Variants in RERE observed in about 807,000 individuals in gnomAD.
The protein encoded by RERE is arginine-glutamic acid dipeptide repeats, also known as arginine-glutamic acid dipeptide repeats protein.
RERE carries 40 observed loss-of-function variants against 146.1 expected under a neutral mutation model. That is an observed-to-expected ratio of 0.27 (90% CI 0.21 to 0.36). The LOEUF (loss-of-function observed/expected upper bound fraction) is 0.36. Among genes scored for constraint, RERE ranks in the 10% least tolerant of loss-of-function variants. The probability of loss-of-function intolerance (pLI) is 1.00; values close to 1 mark genes in which losing one functional copy is unlikely to be tolerated. For missense variants in RERE, 1,933 were observed against 2,138.7 expected (o/e 0.90, Z 1.90); for synonymous variants, 1,003 against 866.0 (o/e 1.16, Z -2.78).
intron 12 of RERE, among the ~76,000 whole-genome samples, chr1:8,421,006 C>T (rs1416977976): frequency 1.3e-5 from 2 of 152,224 alleles, no homozygotes; most frequent in Non-Finnish European, 2.9e-5. Flanking sequence ...GCTTCCACTA[C>T]GGAGATAAAA....
chr1:8,691,055 G>A (rs538394507), intron 1 of RERE, among the ~76,000 whole-genome samples: 29 of 151,934 alleles, frequency 1.9e-4, no homozygotes, highest in Non-Finnish European at 3.8e-4. Context: ...GCACCACCAC[G>A]CCCAGCTAAT....
At chr1:8,574,367 C>T (rs1158804407) in intron 4 of RERE, among the ~76,000 whole-genome samples, 7 of 99,130 alleles carry the variant, frequency 7.1e-5, no homozygotes, top group East Asian at 7.0e-4. Context: ...TTTTTTGAGA[C>T]GCAGTCTCGC....
chr1:8,695,291 G>A (rs1639303450), intron 1 of RERE, among the ~76,000 whole-genome samples: 2 of 151,638 alleles, frequency 1.3e-5, no homozygotes, highest in East Asian at 3.9e-4. Context: ...TTAAATGCAA[G>A]ACCACAAACT....
At chr1:8,805,096 G>A (rs148293882) in intron 1 of RERE, among the ~76,000 whole-genome samples, 1,961 of 145,112 alleles carry the variant, frequency 0.014, 50 homozygotes, top group African/African-American at 0.048. Context: ...CCGCAACCTC[G>A]GCCTCCCAGG....
rs536028660 is a variant in RERE at position 8,648,300 on chromosome 1, C to T, written c.325+7673G>A. Among the ~76,000 whole-genome samples the T allele has an allele frequency of 7.2e-5, 11 of 152,296 alleles. No homozygotes were observed. The South Asian group carries it at 2.3e-3, about 32-fold the overall frequency. On this transcript the variant is annotated intron_variant, in intron 2 of 22. Coordinates refer to ENST00000400908, the MANE Select transcript of RERE (RefSeq NM_001042681.2). ...AGGCTGCAGTGCAGTGGTGCAATCA[C>T]TGCTCACTGCAGCCTCAACCTTCCA... is the stretch of plus-strand genomic sequence containing the variant.
At chr1:8,597,090 A>AT (rs34498274) in intron 4 of RERE, among the ~76,000 whole-genome samples, 84,068 of 144,272 alleles carry the variant, frequency 0.58, 24,603 homozygotes, top group East Asian at 0.82. Flanking sequence ...ACTGATGCTG[A>AT]TTTTTTTTTT....
At chr1:8,588,441 C>T (rs576736433) in intron 4 of RERE, among the ~76,000 whole-genome samples, 12 of 152,258 alleles carry the variant, frequency 7.9e-5, no homozygotes, top group South Asian at 2.1e-4. Context: ...GGGTCGTCGC[C>T]TCGTCCAGTC....
At chr1:8,585,024 C>G (rs1034547466) in intron 4 of RERE, among the ~76,000 whole-genome samples, 2 of 151,762 alleles carry the variant, frequency 1.3e-5, no homozygotes, top group African/African-American at 2.4e-5. Flanking sequence ...TGGCATATGC[C>G]TGTGGTCCCA....
At chr1:8,803,338 C>T (rs1362866896) in intron 1 of RERE, among the ~76,000 whole-genome samples, 7 of 152,052 alleles carry the variant, frequency 4.6e-5, no homozygotes, top group African/African-American at 1.4e-4. Context: ...CATGGTGGCA[C>T]ATGCCTGTAA....
chr1:8,625,993 A>T (rs1646969470), intron 2 of RERE, among the ~76,000 whole-genome samples: 2 of 152,224 alleles, frequency 1.3e-5, no homozygotes, highest in Admixed American at 1.3e-4. Context: ...CACGTAAAAC[A>T]GTAGCTCAGG....
Position 8,359,889 on chromosome 1 carries a change from C to T in RERE, c.3493G>A (p.Glu1165Lys). Residue 1165 changes from glutamate (E) to lysine (K), a missense_variant, in exon 19 of 23, where the codon GAG (glutamate) becomes AAG (lysine). Glu to Lys is a moderately conservative substitution (Grantham distance 56). Coordinates refer to ENST00000400908, the MANE Select transcript of RERE (RefSeq NM_001042681.2). ...AGSKLAKKRE[E>K]AIEKAKREAE... ...TCGCGCTTGGCCTTCTCAATGGCCT[C>T]CTCCCTCTTCTTGGCCAGCTTGGAC... 1.9e-6 allele frequency: 3 copies of T among 1,613,270 alleles called. No homozygotes were observed. The highest frequency in any genetic ancestry group is 2.5e-6 in the Non-Finnish European group (3 of 1,180,034).
At chr1:8,587,216 T>C (rs1646437628) in intron 4 of RERE, among the ~76,000 whole-genome samples, 2 of 152,234 alleles carry the variant, frequency 1.3e-5, no homozygotes, top group African/African-American at 2.4e-5. Flanking sequence ...TTTAAAATTA[T>C]GGAGACTTGG....
intron 11 of RERE, among the ~76,000 whole-genome samples, chr1:8,433,010 T>C (rs1175412406): frequency 2.0e-5 from 3 of 152,214 alleles, no homozygotes; most frequent in Non-Finnish European, 4.4e-5. Flanking sequence ...TACATATACA[T>C]ATACCCAAAC....
chr1:8,662,823 A>G (rs1377682204), intron 1 of RERE, among the ~76,000 whole-genome samples: 2 of 152,232 alleles, frequency 1.3e-5, no homozygotes, highest in African/African-American at 4.8e-5. Context: ...CGCTTGCTGC[A>G]CTGCCTTGGG....
chr1:8,732,763 T>A (rs1043670085), intron 1 of RERE, among the ~76,000 whole-genome samples: 2 of 151,446 alleles, frequency 1.3e-5, no homozygotes, highest in African/African-American at 4.9e-5. Context: ...TGTATATGTG[T>A]GTGTGTGGGA....
intron 7 of RERE, among the ~76,000 whole-genome samples, chr1:8,510,009 A>C (rs1479667315): frequency 2.0e-5 from 3 of 152,128 alleles, no homozygotes; most frequent in Non-Finnish European, 4.4e-5. Context: ...GCTTGGGCAA[A>C]GGTGGTGGTA....
At chr1:8,550,095 G>C (rs1014875238) in intron 6 of RERE, among the ~76,000 whole-genome samples, 1 of 152,186 alleles carries the variant, frequency 6.6e-6, no homozygotes, top group African/African-American at 2.4e-5. Context: ...CTGTACTATA[G>C]TTGTAGAAGA....
rs912895385 is a variant in RERE, at chr1:8,423,728, CGGCGCGGGGCCCGGGG to C, written c.1204-937_1204-922del. On this transcript the variant is annotated intron_variant, in intron 11 of 22. Transcript: ENST00000400908. The surrounding 1 kb of genome is among the most constrained non-coding windows in gnomAD (Gnocchi z 5.4). ...GGCGTGTGACCGCGGCGGGGCCGCGCGGCGCGGGGCCCGGGGGGCGCGGGGCTGGGGCCGCCGCTGA... is the reference window on the plus strand; with the variant it reads ...GGCGTGTGACCGCGGCGGGGCCGCGCGGCGCGGGGCTGGGGCCGCCGCTGA... 5 of 978,412 alleles carry C rather than the reference CGGCGCGGGGCCCGGGG, an allele frequency of 5.1e-6. No individual in the cohort carries two copies. The highest frequency in any genetic ancestry group is 3.5e-5 in the African/African-American group (2 of 56,634). 60.6% of individuals were successfully genotyped at this position (978,412 alleles called of 1,614,324 possible).
chr1:8,671,941 A>C (rs931616558), intron 1 of RERE, among the ~76,000 whole-genome samples: 6 of 152,128 alleles, frequency 3.9e-5, no homozygotes, highest in Non-Finnish European at 8.8e-5. Flanking sequence ...ATATGATTAC[A>C]TCTGTAAGAG....
Sources: gnomAD v4.1 joint callset for allele counts (sites outside exome capture counted in the v4.1 genomes callset) on GRCh38, gnomAD v4.1.1 for gene constraint, Gnocchi (gnomAD v3.1) non-coding constraint, MANE v1.5 for transcripts, NCBI Gene and HGNC (gene_info 2026-07-23, HGNC 2026-07-21) for gene names.